The following SIRT3 variants were observed in gnomAD, a reference collection of about 807,000 sequenced individuals.
SIRT3 encodes the protein sirtuin 3, also known as NAD-dependent protein deacetylase sirtuin-3, mitochondrial.
A neutral mutation model predicts 33.5 loss-of-function variants in SIRT3; 26 were observed. That is an observed-to-expected ratio of 0.78 (90% CI 0.57 to 1.08). The LOEUF (loss-of-function observed/expected upper bound fraction) is 1.08, where lower values mean the gene tolerates loss of function less well. SIRT3 is among the 50% of genes least tolerant of loss of function. The probability of loss-of-function intolerance (pLI) is 0.00; values close to 1 mark genes in which losing one functional copy is unlikely to be tolerated. For missense variants in SIRT3, 585 were observed against 530.1 expected, an observed-to-expected ratio of 1.10 and a Z score of -1.02; for synonymous variants, 237 against 222.1, an observed-to-expected ratio of 1.07 and a Z score of -0.60.
intron 4 of SIRT3, among the ~76,000 whole-genome samples, chr11:228,979 G>A (rs1056083512): frequency 2.0e-5 from 3 of 152,222 alleles, no homozygotes; most frequent in African/African-American, 7.2e-5. Context: ...TTGATATCAT[G>A]AATCATTAGG....
chr11:230,436 C>A lies in SIRT3; in HGVS notation c.807+16G>T. The A allele has an allele frequency of 7.1e-7, 1 of 1,406,302 alleles. No individual in the cohort carries two copies. The highest frequency in any genetic ancestry group is 9.4e-7 in the Non-Finnish European group (1 of 1,066,482). The allele number at this position is 1,406,302 out of a possible 1,614,324, so 87.1% of individuals were successfully genotyped here. A position where few individuals can be genotyped will look rare whatever the true frequency, so the allele number is the denominator to read the frequency against. On this transcript the variant is annotated intron_variant, in intron 4 of 6. Transcript: ENST00000382743. ...CAGCAAACTGCAGAAGGACAACCAA[C>A]AGCAGGATAACTCACCCGAATGTCC... is the stretch of plus-strand genomic sequence containing the variant.
intron 1 of SIRT3, 88 bp from the exon 2 acceptor site, chr11:233,622 ACCG>A: frequency 1.6e-6 from 2 of 1,276,180 alleles, no homozygotes; most frequent in Non-Finnish European, 2.2e-6. Flanking sequence ...CCTCTGCACC[ACCG>A]CCACCCTCGA....
At chr11:218,129 T>C (rs1304840064) in intron 6 of SIRT3, among the ~76,000 whole-genome samples, 1 of 152,196 alleles carries the variant, frequency 6.6e-6, no homozygotes, top group Non-Finnish European at 1.5e-5. Flanking sequence ...CAGGTATGCC[T>C]TTATGAGCAG....
At chr11:230,599 G>A (rs1450697568) in intron 3 of SIRT3, 47 bp from the exon 4 acceptor site, 2 of 1,342,736 alleles carry the variant, frequency 1.5e-6, no homozygotes, top group East Asian at 5.4e-5. Context: ...TCCGAGATGA[G>A]CACGCAAGGC....
chr11:220,605 T>C lies in SIRT3; in HGVS notation c.970-1564A>G, dbSNP rs11821994. 6.8e-3 allele frequency among the ~76,000 whole-genome samples: 1,037 copies of C among 152,282 alleles called. 17 individuals are homozygous for C. Among genetic ancestry groups the C allele is most frequent in the African/African-American group, 0.023 (968 of 41,562 alleles). ...TTTTTAACCAATTTGATTTGTGTGATTTTGGTTTTGGTGAGGATGTGATAA... is the reference window on the plus strand; with the variant it reads ...TTTTTAACCAATTTGATTTGTGTGACTTTGGTTTTGGTGAGGATGTGATAA... On this transcript the variant is annotated intron_variant, in intron 5 of 6. Coordinates refer to ENST00000382743, the MANE Select transcript of SIRT3 (RefSeq NM_012239.6).
At position 216,714 on chromosome 11, in the gene SIRT3, T is replaced by C. The variant is rs766729565; in HGVS notation, c.1184A>G (p.Asp395Gly). 6.2e-7 allele frequency: 1 copy of C among 1,614,114 alleles called. No homozygotes were observed. Among genetic ancestry groups the C allele is most frequent in the Non-Finnish European group, 8.5e-7 (1 of 1,179,968 alleles). The stretch of plus-strand genomic sequence containing the variant: ...GCCATCATCCTATTTGTCTGGTCCA[T>C]CAAGCTGGAATACAGAAGACAGAGG... ...DLVQRETGKL[D>G]GPDK Residue 395 changes from aspartate to glycine, a missense_variant, in exon 7 of 7, where the codon GAT (aspartate) becomes GGT (glycine). By Grantham distance (94) the Asp-to-Gly change is moderately conservative. Coordinates refer to ENST00000382743, the MANE Select transcript of SIRT3 (RefSeq NM_012239.6).
intron 3 of SIRT3, 152 bp downstream of exon 3, chr11:232,831 G>A (rs1858260993): frequency 1.5e-6 from 1 of 689,054 alleles, no homozygotes; most frequent in South Asian, 1.9e-5. Context: ...AAAGTCCCAA[G>A]GAAGAAGCAT....
At chr11:233,255 G>A (rs1246084731) in intron 2 of SIRT3, 40 bp from the exon 3 acceptor site, 5 of 1,604,900 alleles carry the variant, frequency 3.1e-6, no homozygotes, top group Non-Finnish European at 4.3e-6. Flanking sequence ...CTTTGGAAGA[G>A]GACAGGGAAG....
intron 3 of SIRT3, 92 bp from the exon 4 acceptor site, chr11:230,644 G>A: frequency 1.2e-6 from 1 of 803,150 alleles, no homozygotes; most frequent in Non-Finnish European, 1.8e-6. Context: ...CAGGACTCCT[G>A]GAAGGAGGCA....
intron 6 of SIRT3, 22 bp from the exon 7 acceptor site, chr11:216,740 G>C (rs369822129): frequency 1.9e-6 from 3 of 1,613,822 alleles, no homozygotes; most frequent in African/African-American, 1.3e-5. Context: ...AAGACAGAGG[G>C]TATCAGCTAT....
chr11:233,204 C>G lies in SIRT3; in HGVS notation c.485G>C (p.Ser162Thr). 1.9e-6 allele frequency: 3 copies of G among 1,613,470 alleles called. No individual in the cohort carries two copies. The highest frequency in any genetic ancestry group is 2.5e-6 in the Non-Finnish European group (3 of 1,179,618). The change falls in exon 3 of 7, where the codon AGT (serine) becomes ACT (threonine). Residue 162 changes from serine (S) to threonine (T), a missense_variant. Ser to Thr is a moderately conservative substitution (Grantham distance 58). Transcript: ENST00000382743. Reference sequence around the variant, plus strand: ...CTGCTGGAGGTTGCTGTACAGGCCACTCCCCGGCGATCTGCAGGGAGAGAA... The same window carrying G: ...CTGCTGGAGGTTGCTGTACAGGCCAGTCCCCGGCGATCTGCAGGGAGAGAA... ...SGIPDFRSPG[S>T]GLYSNLQQYD...
intron 4 of SIRT3, among the ~76,000 whole-genome samples, chr11:227,186 TC>T (rs1220186455): frequency 6.6e-6 from 1 of 150,390 alleles, no homozygotes; most frequent in East Asian, 2.0e-4. Context: ...ATGCCTGTCA[TC>T]CCAGCACTTT....
At chr11:218,691 G>T in intron 6 of SIRT3, 141 bp downstream of exon 6, 1 of 1,453,018 alleles carries the variant, frequency 6.9e-7, no homozygotes, top group Non-Finnish European at 9.2e-7. Context: ...GTCAGGTCCA[G>T]GTAGTGCCTG....
Position 219,027 on chromosome 11 carries a change from G to A in SIRT3, c.984C>T (p.Ala328=). 2 of 1,612,742 alleles carry A rather than the reference G, an allele frequency of 1.2e-6. No individual in the cohort carries two copies. Among genetic ancestry groups the A allele is most frequent in the Non-Finnish European group, 1.7e-6 (2 of 1,179,462 alleles). The change falls in exon 6 of 7, where the codon GCC becomes GCT. Residue 328 remains alanine, a synonymous_variant. Coordinates refer to ENST00000382743, the MANE Select transcript of SIRT3 (RefSeq NM_012239.6). ...LGTSLEVEPF[A]SLTEAVRSSV... ...AGCTCCGCACGGCCTCGGTCAAGCT[G>A]GCAAAAGGCTCCACCTGAAAAATGG...
At chr11:230,739 G>C (rs1036784107) in intron 3 of SIRT3, 187 bp from the exon 4 acceptor site, 3 of 398,330 alleles carry the variant, frequency 7.5e-6, no homozygotes, top group Admixed American at 4.5e-5. Context: ...TAAGGCAGGG[G>C]AGCAAAGGGG....
chr11:218,944 C>G lies in SIRT3; in HGVS notation c.1067G>C (p.Arg356Pro), dbSNP rs371704582. 1 of 1,614,136 alleles carries G rather than the reference C, an allele frequency of 6.2e-7. No individual in the cohort carries two copies. The highest frequency in any genetic ancestry group is 1.1e-5 in the South Asian group (1 of 91,080). Residue 356 changes from arginine to proline, a missense_variant, in exon 6 of 7, where the codon CGC becomes CCC. Arg to Pro is a moderately radical substitution (Grantham distance 103, BLOSUM62 -2). Coordinates refer to ENST00000382743, the MANE Select transcript of SIRT3 (RefSeq NM_012239.6). ...CCCCAGCTGGGCCACGTCCCTGCTG[C>G]GAGGATGCCAAGCCAAGGGCCCCAC... ...DLVGPLAWHP[R>P]SRDVAQLGDV...
In SIRT3 at chr11:233,623, C is replaced by A. The variant is rs796075164; in HGVS notation, c.282-89G>T. The A allele has an allele frequency of 7.4e-5, 93 of 1,261,090 alleles. No homozygotes were observed. In the African/African-American group the frequency reaches 1.0e-3, roughly 14 times the overall value. 78.1% of individuals were successfully genotyped at this position (1,261,090 alleles called of 1,614,324 possible). The stretch of plus-strand genomic sequence containing the variant: ...GAGCATGGCTCTGCCCTCTGCACCA[C>A]CGCCACCCTCGAGAATGAGCATGTG... On this transcript the variant is annotated intron_variant, in intron 1 of 6. Transcript: ENST00000382743.
chr11:231,162 G>T (rs1261744616), intron 3 of SIRT3, among the ~76,000 whole-genome samples: 2 of 152,088 alleles, frequency 1.3e-5, no homozygotes, highest in East Asian at 3.9e-4. Flanking sequence ...TACCAGGCTG[G>T]GTGCAGTGGC....
chr11:235,876 C>A (rs1011463185), intron 1 of SIRT3, among the ~76,000 whole-genome samples, 172 bp downstream of exon 1: 1 of 152,158 alleles, frequency 6.6e-6, no homozygotes, highest in Admixed American at 6.5e-5. Context: ...GTGAAATAAA[C>A]GACAAAACCC....
Sources: allele counts gnomAD v4.1 joint callset (sites outside exome capture counted in the v4.1 genomes callset), GRCh38; gene constraint gnomAD v4.1.1; transcripts MANE v1.5; gene names NCBI Gene and HGNC (gene_info 2026-07-23, HGNC 2026-07-21).